Variants in FMNL2 observed in about 807,000 individuals in gnomAD.
The protein encoded by FMNL2 is formin-like protein 2.
A neutral mutation model predicts 130.2 loss-of-function variants in FMNL2; 51 were observed. The observed-to-expected ratio is 0.39, with a 90% CI of 0.31 to 0.49. The LOEUF (loss-of-function observed/expected upper bound fraction) is 0.49, where lower values mean the gene tolerates loss of function less well. FMNL2 is among the 20% of genes least tolerant of loss of function. The pLI is 0.85. For missense variants in FMNL2, 977 were observed against 1,316.2 expected (o/e 0.74, Z 3.99); for synonymous variants, 465 against 467.1 (o/e 1.00, Z 0.06).
In FMNL2 at chr2:152,562,671, G is replaced by T. The variant is rs532333059; in HGVS notation, c.596+1636G>T. Among the ~76,000 whole-genome samples the T allele has an allele frequency of 7.2e-5, 11 of 152,310 alleles. No individual in the cohort carries two copies. The East Asian group carries it at 1.7e-3, about 24-fold the overall frequency. ...TTATTATATTTGCAGTAGGCCAAAGGTTGTGCAACCTGCTAATCTGCATCA... is the reference window on the plus strand; with the variant it reads ...TTATTATATTTGCAGTAGGCCAAAGTTTGTGCAACCTGCTAATCTGCATCA... On this transcript the variant is annotated intron_variant, in intron 6 of 25. Coordinates refer to ENST00000288670, the MANE Select transcript of FMNL2 (RefSeq NM_052905.4).
At chr2:152,621,187 A>G in intron 15 of FMNL2, 1 of 956,346 alleles carries the variant, frequency 1.0e-6, no homozygotes, top group Non-Finnish European at 1.2e-6. Context: ...TTGCTGTGAG[A>G]TGTGTCTGCT....
intron 1 of FMNL2, among the ~76,000 whole-genome samples, chr2:152,429,828 G>A (rs1037732175): frequency 6.6e-6 from 1 of 152,182 alleles, no homozygotes; most frequent in African/African-American, 2.4e-5. Context: ...TTTCTGTGCT[G>A]TAGTTTTCTT....
At position 152,444,915 on chromosome 2, in the gene FMNL2, C is replaced by T. The variant is rs184640588; in HGVS notation, c.118-77028C>T. On this transcript the variant is annotated intron_variant, in intron 1 of 25. Coordinates refer to ENST00000288670, the MANE Select transcript of FMNL2 (RefSeq NM_052905.4). ...AGTTGGTAGGCAGGATCTCAGTCCT[C>T]TTCATGACCCCTCTTGATTCTCTCT... 2.7e-3 allele frequency among the ~76,000 whole-genome samples: 417 copies of T among 152,364 alleles called. 1 individual carries two copies. The highest frequency in any genetic ancestry group is 5.4e-3 in the South Asian group (26 of 4,832).
At chr2:152,476,758 T>C (rs1311744261) in intron 1 of FMNL2, among the ~76,000 whole-genome samples, 1 of 151,974 alleles carries the variant, frequency 6.6e-6, no homozygotes, top group Admixed American at 6.6e-5. Flanking sequence ...CCCCCCATAG[T>C]GGGCGGAACA....
At chr2:152,456,454 G>A (rs535042297) in intron 1 of FMNL2, among the ~76,000 whole-genome samples, 255 of 152,222 alleles carry the variant, frequency 1.7e-3, no homozygotes, top group Admixed American at 2.7e-3. Context: ...TTCCTGCCTT[G>A]GCCTCCCAAA....
intron 1 of FMNL2, among the ~76,000 whole-genome samples, chr2:152,513,409 A>T (rs1692591278): frequency 6.6e-6 from 1 of 152,220 alleles, no homozygotes; most frequent in African/African-American, 2.4e-5. Flanking sequence ...GAATTTATTC[A>T]TCCTGCCTAA....
chr2:152,358,858 AT>A, intron 1 of FMNL2, among the ~76,000 whole-genome samples: 1 of 152,208 alleles, frequency 6.6e-6, no homozygotes, highest in Non-Finnish European at 1.5e-5. Context: ...TCTTAAGGTT[AT>A]ATATTAACAC....
chr2:152,455,417 C>T (rs1420500313), intron 1 of FMNL2, among the ~76,000 whole-genome samples: 1 of 149,422 alleles, frequency 6.7e-6, no homozygotes, highest in Non-Finnish European at 1.5e-5. Context: ...GTGAAACCAC[C>T]AGAGGAAAGT....
intron 9 of FMNL2, among the ~76,000 whole-genome samples, chr2:152,594,669 A>G (rs1218984976): frequency 6.6e-6 from 1 of 152,150 alleles, no homozygotes; most frequent in Non-Finnish European, 1.5e-5. Context: ...CTTTTGAAAG[A>G]TGGAGCTTTT....
chr2:152,408,333 T>C (rs1418962931), intron 1 of FMNL2, among the ~76,000 whole-genome samples: 1 of 141,282 alleles, frequency 7.1e-6, no homozygotes, highest in African/African-American at 2.9e-5. Context: ...TGTCGTATTA[T>C]GTTTCTTAGG....
intron 1 of FMNL2, among the ~76,000 whole-genome samples, chr2:152,514,201 T>C (rs149134016): frequency 5.7e-4 from 87 of 152,284 alleles, no homozygotes; most frequent in African/African-American, 2.0e-3. Flanking sequence ...AAAATGTCAA[T>C]GTAGGAAGAG....
intron 8 of FMNL2, among the ~76,000 whole-genome samples, chr2:152,580,223 A>T (rs1417363765): frequency 2.0e-5 from 3 of 152,252 alleles, no homozygotes; most frequent in African/African-American, 7.2e-5. Flanking sequence ...TCCAGAAAAA[A>T]AATGAAATAC....
At chr2:152,564,714 C>G (rs766864364) in intron 6 of FMNL2, among the ~76,000 whole-genome samples, 12 of 139,176 alleles carry the variant, frequency 8.6e-5, no homozygotes, top group Non-Finnish European at 1.5e-4. Context: ...GCCTGGGTGA[C>G]AGAGCAAGAC....
intron 1 of FMNL2, among the ~76,000 whole-genome samples, chr2:152,485,469 C>T (rs1690769091): frequency 6.6e-6 from 1 of 152,144 alleles, no homozygotes; most frequent in Non-Finnish European, 1.5e-5. Flanking sequence ...GGGAGGATCG[C>T]TTGAGCCCAG....
At chr2:152,393,864 G>A (rs1685249174) in intron 1 of FMNL2, among the ~76,000 whole-genome samples, 1 of 152,186 alleles carries the variant, frequency 6.6e-6, no homozygotes, top group South Asian at 2.1e-4. Flanking sequence ...AACTAATGAG[G>A]ATGGCTGTGC....
At chr2:152,580,675 G>C (rs1696731974) in intron 8 of FMNL2, among the ~76,000 whole-genome samples, 1 of 152,176 alleles carries the variant, frequency 6.6e-6, no homozygotes, top group Admixed American at 6.5e-5. Flanking sequence ...TGAGTCACCT[G>C]ATGATAGGTC....
At chr2:152,486,190 T>C (rs999250401) in intron 1 of FMNL2, among the ~76,000 whole-genome samples, 4 of 152,222 alleles carry the variant, frequency 2.6e-5, no homozygotes, top group African/African-American at 9.6e-5. Flanking sequence ...GTATTTGCTC[T>C]CTTTCTTGAA....
At chr2:152,545,935 A>T (rs1229805294) in intron 3 of FMNL2, among the ~76,000 whole-genome samples, 1 of 152,216 alleles carries the variant, frequency 6.6e-6, no homozygotes, top group East Asian at 1.9e-4. Flanking sequence ...TGCCTCCGTT[A>T]TCAGGCAGTT....
chr2:152,482,209 G>C (rs1422549739), intron 1 of FMNL2, among the ~76,000 whole-genome samples: 2 of 152,164 alleles, frequency 1.3e-5, no homozygotes, highest in Non-Finnish European at 2.9e-5. Flanking sequence ...CTTAGCATGT[G>C]TACTTAAATT....
Sources: gnomAD v4.1 joint callset for allele counts (sites outside exome capture counted in the v4.1 genomes callset) on GRCh38, gnomAD v4.1.1 for gene constraint, MANE v1.5 for transcripts, NCBI Gene and HGNC (gene_info 2026-07-23, HGNC 2026-07-21) for gene names.